KIRREL3: variants seen among roughly 807,000 people sequenced by gnomAD.
KIRREL3 encodes the protein kin of IRRE-like protein 3.
KIRREL3 carries 36 observed loss-of-function variants against 89.7 expected under a neutral mutation model. That is an observed-to-expected ratio of 0.40 (90% CI 0.31 to 0.53). The LOEUF is 0.53. Ranked by LOEUF, KIRREL3 falls within the 20% of genes least tolerant of loss-of-function variation. The pLI, the probability that KIRREL3 is intolerant of heterozygous loss-of-function variation, is 0.49. For missense variants in KIRREL3, 864 were observed against 1,056.6 expected, an observed-to-expected ratio of 0.82 and a Z score of 2.53; for synonymous variants, 445 against 441.4, an observed-to-expected ratio of 1.01 and a Z score of -0.10.
Position 126,553,110 on chromosome 11 carries a change from A to T in KIRREL3, c.133+9725T>A, listed in dbSNP as rs1033564404. Among the ~76,000 whole-genome samples the T allele has an allele frequency of 6.6e-6, 1 of 152,216 alleles. No homozygotes were observed. The highest frequency in any genetic ancestry group is 1.5e-5 in the Non-Finnish European group (1 of 68,032). On this transcript the variant is annotated intron_variant, in intron 2 of 16. Transcript: ENST00000525144. This position sits in a 1 kb window ranked among gnomAD's most constrained non-coding sequence, Gnocchi z 4.7. ...ATGCTTTTATGTCCCCATTTTAGAC[A>T]ACCAATATTTCAATAGCCTGTTGTA...
rs1009676512 is a variant in KIRREL3, at chr11:126,477,071, G to A, written c.434-3605C>T. ...GGCACTGAAGCCTGGGGAGGACTGAGCGGATCCCAGGCAGAGTGGGTCCCC... is the reference window on the plus strand; with the variant it reads ...GGCACTGAAGCCTGGGGAGGACTGAACGGATCCCAGGCAGAGTGGGTCCCC... On this transcript the variant is annotated intron_variant, in intron 4 of 16. Transcript: ENST00000525144. This position sits in a 1 kb window ranked among gnomAD's most constrained non-coding sequence, Gnocchi z 4.8. 6.6e-6 allele frequency among the ~76,000 whole-genome samples: 1 copy of A among 152,248 alleles called. No homozygotes were observed. Among genetic ancestry groups the A allele is most frequent in the African/African-American group, 2.4e-5 (1 of 41,476 alleles).
chr11:126,480,080 T>C (rs1957177926), intron 4 of KIRREL3, among the ~76,000 whole-genome samples: 1 of 152,260 alleles, frequency 6.6e-6, no homozygotes, highest in East Asian at 1.9e-4. Flanking sequence ...GATCCCCATC[T>C]CCCAGCAGAG....
rs1951262954 is a variant in KIRREL3 at position 126,808,104 on chromosome 11, G to T, written c.55+192351C>A. Reference sequence around the variant, plus strand: ...ACTGCAAGTGGTAGATGCTCTCCAGGCCAGCTGCAGGACTGCAGATACTGA... The same window carrying T: ...ACTGCAAGTGGTAGATGCTCTCCAGTCCAGCTGCAGGACTGCAGATACTGA... On this transcript the variant is annotated intron_variant, in intron 1 of 16. Coordinates refer to ENST00000525144, the MANE Select transcript of KIRREL3 (RefSeq NM_032531.4). This position sits in a 1 kb window ranked among gnomAD's most constrained non-coding sequence, Gnocchi z 4.1. 6.6e-6 allele frequency among the ~76,000 whole-genome samples: 1 copy of T among 152,186 alleles called. No individual in the cohort carries two copies. Among genetic ancestry groups the T allele is most frequent in the Non-Finnish European group, 1.5e-5 (1 of 68,040 alleles).
rs1035544582 is a variant in KIRREL3, at chr11:126,527,146, G to C, written c.134-459C>G. 6.6e-6 allele frequency among the ~76,000 whole-genome samples: 1 copy of C among 152,164 alleles called. No individual in the cohort carries two copies. The highest frequency in any genetic ancestry group is 6.5e-5 in the Admixed American group (1 of 15,278). ...GGTCGATGGAGAGTGGTGCGGCTTT[G>C]GTTAAACCTGAGAATTCAGGAAATC... is the stretch of plus-strand genomic sequence containing the variant. On this transcript the variant is annotated intron_variant, in intron 2 of 16. Transcript: ENST00000525144. This position sits in a 1 kb window ranked among gnomAD's most constrained non-coding sequence, Gnocchi z 4.2.
At chr11:126,581,417 G>C (rs4937153) in intron 1 of KIRREL3, among the ~76,000 whole-genome samples, 51,907 of 151,998 alleles carry the variant, frequency 0.34, 9,799 homozygotes, top group South Asian at 0.46. Flanking sequence ...GACCAGGCTG[G>C]TCATAAACTC....
intron 1 of KIRREL3, among the ~76,000 whole-genome samples, chr11:126,929,146 G>A (rs1947837648): frequency 6.6e-6 from 1 of 152,166 alleles, no homozygotes. Flanking sequence ...GTCAGAGGGA[G>A]GAGAAAAGGC....
At chr11:126,949,713 T>A (rs2135142618) in intron 1 of KIRREL3, among the ~76,000 whole-genome samples, 1 of 152,228 alleles carries the variant, frequency 6.6e-6, no homozygotes, top group South Asian at 2.1e-4. Context: ...CTAGGACACG[T>A]TCCCAAAATA....
At chr11:126,511,791 G>A (rs1409160676) in intron 4 of KIRREL3, among the ~76,000 whole-genome samples, 3 of 152,362 alleles carry the variant, frequency 2.0e-5, no homozygotes, top group African/African-American at 7.2e-5. Flanking sequence ...CTCATTTCAT[G>A]CTGTAATGGA....
In KIRREL3 at chr11:126,565,122, G is replaced by A. The variant is rs1411307407; in HGVS notation, c.56-2210C>T. Reference sequence around the variant, plus strand: ...TAGGGAGGGCAGAAGATACTGGATGGATTTAGGCCAATGTTCCAGCTGGTC... The same window carrying A: ...TAGGGAGGGCAGAAGATACTGGATGAATTTAGGCCAATGTTCCAGCTGGTC... On this transcript the variant is annotated intron_variant, in intron 1 of 16. Coordinates refer to ENST00000525144, the MANE Select transcript of KIRREL3 (RefSeq NM_032531.4). This position sits in a 1 kb window ranked among gnomAD's most constrained non-coding sequence, Gnocchi z 5.4. 2.0e-5 allele frequency among the ~76,000 whole-genome samples: 3 copies of A among 152,190 alleles called. No homozygotes were observed. Among genetic ancestry groups the A allele is most frequent in the Non-Finnish European group, 4.4e-5 (3 of 68,038 alleles).
At chr11:126,925,035 A>C (rs1419521565) in intron 1 of KIRREL3, among the ~76,000 whole-genome samples, 1 of 140,630 alleles carries the variant, frequency 7.1e-6, no homozygotes, top group East Asian at 2.3e-4. Flanking sequence ...AGGGGTGCTC[A>C]CACACTTGTC....
At chr11:126,916,152 T>C (rs1947028830) in intron 1 of KIRREL3, among the ~76,000 whole-genome samples, 1 of 152,166 alleles carries the variant, frequency 6.6e-6, no homozygotes, top group Admixed American at 6.5e-5. Context: ...GGGTGATCCT[T>C]AGATTATTTA....
intron 1 of KIRREL3, among the ~76,000 whole-genome samples, chr11:126,813,922 T>C (rs1419357088): frequency 2.0e-5 from 3 of 152,178 alleles, no homozygotes; most frequent in Non-Finnish European, 4.4e-5. Context: ...TGGGGTCTAA[T>C]TAAACTCAAG....
rs755431225 is a variant in KIRREL3 at position 126,501,291 on chromosome 11, C to T, written c.433+20024G>A. On this transcript the variant is annotated intron_variant, in intron 4 of 16. Transcript: ENST00000525144. This position sits in a 1 kb window ranked among gnomAD's most constrained non-coding sequence, Gnocchi z 5.8. ...GGCTCTGGCCCTAGCTTGAACGCCT[C>T]GGTTGTAGTTCTAAAGCCTATTCAT... Among the ~76,000 whole-genome samples the T allele has an allele frequency of 8.5e-5, 13 of 152,314 alleles. No homozygotes were observed. Among genetic ancestry groups the T allele is most frequent in the South Asian group, 8.3e-4 (4 of 4,824 alleles).
Position 126,451,483 on chromosome 11 carries a change from T to C in KIRREL3, c.849-2326A>G, listed in dbSNP as rs566722520. Among the ~76,000 whole-genome samples the C allele has an allele frequency of 7.5e-4, 112 of 149,806 alleles. 1 individual carries two copies. The highest frequency in any genetic ancestry group is 1.3e-3 in the Non-Finnish European group (91 of 67,664). ...ATGTGTGGGCATGTGCATGTGTGTG[T>C]GCGCATGTGTGTGCATGTGTGAGTG... On this transcript the variant is annotated intron_variant, in intron 7 of 16. Transcript: ENST00000525144.
intron 1 of KIRREL3, among the ~76,000 whole-genome samples, chr11:126,633,578 C>T (rs1310686378): frequency 6.6e-6 from 1 of 152,094 alleles, no homozygotes; most frequent in Admixed American, 6.5e-5. Flanking sequence ...ATCTGCACAT[C>T]CCAGCTCCAT....
intron 1 of KIRREL3, among the ~76,000 whole-genome samples, chr11:126,810,279 C>G (rs148449712): frequency 3.3e-5 from 5 of 152,306 alleles, no homozygotes; most frequent in African/African-American, 1.2e-4. Context: ...CTCCAGCAAG[C>G]CAGGATCCCA....
rs563243901 is a variant in KIRREL3, at chr11:126,989,118, C to T, written c.55+11337G>A. Among the ~76,000 whole-genome samples, 15 of 152,282 alleles carry T rather than the reference C, an allele frequency of 9.9e-5. No individual in the cohort carries two copies. Among genetic ancestry groups the T allele is most frequent in the African/African-American group, 3.4e-4 (14 of 41,554 alleles). On this transcript the variant is annotated intron_variant, in intron 1 of 16. Coordinates refer to ENST00000525144, the MANE Select transcript of KIRREL3 (RefSeq NM_032531.4). This position sits in a 1 kb window ranked among gnomAD's most constrained non-coding sequence, Gnocchi z 6.2. ...CAGTCCCCATTATTTTCAGTAAATTCTCAAACTATGCAGCTCTATGTTTCC... is the reference window on the plus strand; with the variant it reads ...CAGTCCCCATTATTTTCAGTAAATTTTCAAACTATGCAGCTCTATGTTTCC...
chr11:126,578,857 C>T lies in KIRREL3; in HGVS notation c.56-15945G>A, dbSNP rs143136648. Among the ~76,000 whole-genome samples, 280 of 152,288 alleles carry T rather than the reference C, an allele frequency of 1.8e-3. No homozygotes were observed. Among genetic ancestry groups the T allele is most frequent in the African/African-American group, 6.3e-3 (261 of 41,548 alleles). On this transcript the variant is annotated intron_variant, in intron 1 of 16. Coordinates refer to ENST00000525144, the MANE Select transcript of KIRREL3 (RefSeq NM_032531.4). The surrounding 1 kb of genome is among the most constrained non-coding windows in gnomAD (Gnocchi z 4.9). ...ATTCCAAGGTGAAAATAAGCCATCACGTATTGACCATCTGTCAGCAAGTAT... is the reference window on the plus strand; with the variant it reads ...ATTCCAAGGTGAAAATAAGCCATCATGTATTGACCATCTGTCAGCAAGTAT...
Position 126,424,431 on chromosome 11 carries a change from C to G in KIRREL3, c.*149G>C, listed in dbSNP as rs1954847754. 4.3e-6 allele frequency: 3 copies of G among 696,046 alleles called. No individual in the cohort carries two copies. The highest frequency in any genetic ancestry group is 7.2e-6 in the Non-Finnish European group (3 of 418,620). 43.1% of individuals were successfully genotyped at this position (696,046 alleles called of 1,614,324 possible). A position where few individuals can be genotyped will look rare whatever the true frequency, so the allele number is the denominator to read the frequency against. On this transcript the variant is annotated 3_prime_UTR_variant, in exon 17 of 17. Coordinates refer to ENST00000525144, the MANE Select transcript of KIRREL3 (RefSeq NM_032531.4). ...GACCCAGATTTGTGCTTGATCAGAG[C>G]TTCGAAGGAAGGCAGTGGCAGAGGC... is the stretch of plus-strand genomic sequence containing the variant.
Sources: gnomAD v4.1 joint callset for allele counts (sites outside exome capture counted in the v4.1 genomes callset) on GRCh38, gnomAD v4.1.1 for gene constraint, Gnocchi (gnomAD v3.1) non-coding constraint, MANE v1.5 for transcripts, NCBI Gene and HGNC (gene_info 2026-07-23, HGNC 2026-07-21) for gene names.